The following XRCC4 variants were observed in gnomAD, a reference collection of about 807,000 sequenced individuals.
XRCC4 encodes the protein DNA repair protein XRCC4.
In XRCC4, 28 loss-of-function variants were observed where a neutral mutation model predicts 39.1. The ratio of observed to expected loss-of-function variants is 0.72; its 90% CI spans 0.53 to 0.98. XRCC4 has a LOEUF of 0.98. XRCC4 is among the 50% of genes least tolerant of loss of function. XRCC4 has a pLI of 0.00. For synonymous variants in XRCC4, 123 were observed against 126.4 expected, an observed-to-expected ratio of 0.97 and a Z score of 0.18; for missense variants, 350 against 376.4, an observed-to-expected ratio of 0.93 and a Z score of 0.58.
intron 7 of XRCC4, among the ~76,000 whole-genome samples, chr5:83,313,668 C>A (rs1217593193): frequency 1.3e-5 from 2 of 152,148 alleles, no homozygotes; most frequent in African/African-American, 4.8e-5. Context: ...CAGCTGTAAT[C>A]CTGCTTTTTG....
At chr5:83,322,687 C>T (rs1292199345) in intron 7 of XRCC4, among the ~76,000 whole-genome samples, 3 of 152,090 alleles carry the variant, frequency 2.0e-5, no homozygotes, top group Non-Finnish European at 4.4e-5. Context: ...TTGGCACAGA[C>T]AGAGAAGAAG....
intron 7 of XRCC4, among the ~76,000 whole-genome samples, chr5:83,330,726 CTA>C (rs1020992444): frequency 5.9e-5 from 9 of 151,824 alleles, no homozygotes; most frequent in Admixed American, 2.0e-4. Context: ...TCTATTATAA[CTA>C]TATGTATCAA....
At chr5:83,308,868 C>G (rs1334352405) in intron 7 of XRCC4, among the ~76,000 whole-genome samples, 1 of 151,746 alleles carries the variant, frequency 6.6e-6, no homozygotes, top group African/African-American at 2.4e-5. Context: ...ATTTTTAATC[C>G]AAATATCCAA....
At chr5:83,370,763 G>A in the XRCC4 span, among the ~76,000 whole-genome samples, 13 of 151,898 alleles carry the variant, frequency 8.6e-5, no homozygotes, top group South Asian at 2.1e-4. Context: ...AAATTCTATC[G>A]TTTCTTCCTC....
chr5:83,253,323 G>T (rs1561434162), intron 6 of XRCC4, among the ~76,000 whole-genome samples: 1 of 152,118 alleles, frequency 6.6e-6, no homozygotes. Context: ...TGTAGGCAAT[G>T]GGAAACCACT....
At chr5:83,133,588 G>T (rs1164923726) in intron 3 of XRCC4, among the ~76,000 whole-genome samples, 2 of 152,184 alleles carry the variant, frequency 1.3e-5, no homozygotes, top group Non-Finnish European at 1.5e-5. Context: ...CTCAGCAATG[G>T]TGGACGCCCC....
intron 2 of XRCC4, 97 bp downstream of exon 2, chr5:83,105,155 A>G: frequency 8.0e-7 from 1 of 1,248,242 alleles, no homozygotes; most frequent in Non-Finnish European, 1.1e-6. Flanking sequence ...TAAAACTGAT[A>G]TTAATTTTAC....
intron 1 of XRCC4, among the ~76,000 whole-genome samples, chr5:83,099,975 A>T (rs1745853054): frequency 6.6e-6 from 1 of 152,148 alleles, no homozygotes; most frequent in Non-Finnish European, 1.5e-5. Flanking sequence ...TCCATGGGTG[A>T]TTCTTACTAG....
chr5:83,334,259 G>A (rs921553664), intron 7 of XRCC4, among the ~76,000 whole-genome samples: 5 of 151,938 alleles, frequency 3.3e-5, no homozygotes, highest in African/African-American at 9.7e-5. Context: ...CTACTCTCTT[G>A]GTTGTAAGAA....
At chr5:83,150,725 T>G (rs559948530) in intron 3 of XRCC4, among the ~76,000 whole-genome samples, 18 of 152,188 alleles carry the variant, frequency 1.2e-4, no homozygotes, top group Non-Finnish European at 7.4e-5. Context: ...TTGAAATTTA[T>G]TCTATGTTCT....
chr5:83,290,633 A>G (rs549532981), intron 7 of XRCC4, among the ~76,000 whole-genome samples: 2 of 151,960 alleles, frequency 1.3e-5, no homozygotes, highest in East Asian at 3.9e-4. Flanking sequence ...ACTTAAAGGG[A>G]AAATTTTCAT....
intron 1 of XRCC4, among the ~76,000 whole-genome samples, chr5:83,087,762 C>T (rs1013497639): frequency 1.6e-4 from 24 of 151,926 alleles, no homozygotes; most frequent in Non-Finnish European, 2.5e-4. Context: ...ACAATCTTAT[C>T]TTTGAAAATT....
At chr5:83,086,424 AAAGT>A (rs1179718616) in intron 1 of XRCC4, among the ~76,000 whole-genome samples, 4 of 152,250 alleles carry the variant, frequency 2.6e-5, no homozygotes, top group Non-Finnish European at 4.4e-5. Context: ...TTCTTACAAT[AAAGT>A]AAGCTAGAAA....
chr5:83,345,609 C>T (rs944974328), intron 7 of XRCC4, among the ~76,000 whole-genome samples: 3 of 152,106 alleles, frequency 2.0e-5, no homozygotes, highest in Admixed American at 6.6e-5. Context: ...GACACCTTGA[C>T]GTATTTCAGA....
At chr5:83,265,955 T>G (rs1753939064) in intron 7 of XRCC4, among the ~76,000 whole-genome samples, 1 of 152,090 alleles carries the variant, frequency 6.6e-6, no homozygotes. Flanking sequence ...CAGATGTCTG[T>G]TTTTAAAAAA....
chr5:83,275,054 A>G (rs1580453798), intron 7 of XRCC4, among the ~76,000 whole-genome samples: 1 of 152,186 alleles, frequency 6.6e-6, no homozygotes, highest in East Asian at 1.9e-4. Context: ...AGTTGGTCTT[A>G]GAGTAGGCTA....
At chr5:83,320,291 G>C (rs1355410492) in intron 7 of XRCC4, among the ~76,000 whole-genome samples, 2 of 147,498 alleles carry the variant, frequency 1.4e-5, no homozygotes, top group East Asian at 4.0e-4. Flanking sequence ...GCACCAGCAT[G>C]GCACATGTAT....
At chr5:83,201,687 A>T (rs1361797538) in intron 4 of XRCC4, 1 of 152,326 alleles carries the variant, frequency 6.6e-6, no homozygotes, top group Non-Finnish European at 1.5e-5. Context: ...GGTAATGTTC[A>T]TATGAAATAC....
rs748126293 is a variant in XRCC4 at position 83,353,185 on chromosome 5, C to T, written c.948C>T (p.Asn316=). Residue 316 remains asparagine, a synonymous_variant, in exon 8 of 8, where the codon AAC becomes AAT. Transcript: ENST00000396027. ...TSKKEHISAE[N]MSLETLRNSS... ...AAAAGGAGCACATCTCAGCTGAAAA[C>T]ATGTCTTTAGAAACTCTGAGAAACA... 1 of 1,612,516 alleles carries T rather than the reference C, an allele frequency of 6.2e-7. No homozygotes were observed. Among genetic ancestry groups the T allele is most frequent in the East Asian group, 2.2e-5 (1 of 44,692 alleles).
Sources: gnomAD v4.1 joint callset for allele counts (sites outside exome capture counted in the v4.1 genomes callset) on GRCh38, gnomAD v4.1.1 for gene constraint, MANE v1.5 for transcripts, NCBI Gene and HGNC (gene_info 2026-07-23, HGNC 2026-07-21) for gene names.